The following WNT2B variants were observed in gnomAD, a reference collection of about 807,000 sequenced individuals.
The protein encoded by WNT2B is protein Wnt-2b.
In WNT2B, 19 loss-of-function variants were observed where a neutral mutation model predicts 40.5. That is an observed-to-expected ratio of 0.47 (90% confidence interval 0.33 to 0.69). WNT2B has a LOEUF of 0.69. Ranked by LOEUF, WNT2B falls within the 30% of genes least tolerant of loss-of-function variation. The probability of loss-of-function intolerance (pLI) is 0.02; values close to 1 mark genes in which losing one functional copy is unlikely to be tolerated. For synonymous variants in WNT2B, 220 were observed against 211.9 expected, an observed-to-expected ratio of 1.04 and a Z score of -0.33; for missense variants, 467 against 556.4, an observed-to-expected ratio of 0.84 and a Z score of 1.62.
intron 1 of WNT2B, among the ~76,000 whole-genome samples, chr1:112,490,700 A>G (rs972424693): frequency 2.0e-5 from 3 of 152,128 alleles, no homozygotes; most frequent in African/African-American, 4.8e-5. Context: ...CGTGTTAGCC[A>G]GGATGGTCTC....
chr1:112,479,876 A>G (rs889558558), intron 1 of WNT2B, among the ~76,000 whole-genome samples: 1 of 151,148 alleles, frequency 6.6e-6, no homozygotes, highest in Non-Finnish European at 1.5e-5. Flanking sequence ...ATGCCCGACT[A>G]ATTTTCTGTA....
intron 1 of WNT2B, among the ~76,000 whole-genome samples, chr1:112,495,557 C>T (rs1216947643): frequency 6.6e-6 from 1 of 151,292 alleles, no homozygotes; most frequent in Admixed American, 6.6e-5. Context: ...CCACTGCGCT[C>T]CAGCCTGGGT....
chr1:112,510,341 G>A (rs920195507), intron 1 of WNT2B, among the ~76,000 whole-genome samples: 3 of 152,108 alleles, frequency 2.0e-5, no homozygotes, highest in African/African-American at 7.2e-5. Flanking sequence ...CCCACCATGG[G>A]GAGAGGGCAA....
chr1:112,504,660 C>A (rs925434548), upstream of WNT2B, among the ~76,000 whole-genome samples: 1 of 152,132 alleles, frequency 6.6e-6, no homozygotes, highest in African/African-American at 2.4e-5. Context: ...CCTGTGTGAA[C>A]CTGGCCCTAT....
At chr1:112,484,100 A>G (rs536896730) in intron 1 of WNT2B, among the ~76,000 whole-genome samples, 10 of 146,458 alleles carry the variant, frequency 6.8e-5, no homozygotes, top group African/African-American at 2.2e-4. Context: ...GTCTCCAAAA[A>G]TTATATATAT....
At chr1:112,489,513 G>A (rs1005779519) in intron 1 of WNT2B, among the ~76,000 whole-genome samples, 2 of 152,022 alleles carry the variant, frequency 1.3e-5, no homozygotes, top group Non-Finnish European at 2.9e-5. Flanking sequence ...GCAGTGAGCC[G>A]AGATCACGCC....
chr1:112,524,843 A>G lies in WNT2B; in HGVS notation c.*4334A>G, dbSNP rs944196153. 20 of 152,092 alleles carry G rather than the reference A, an allele frequency of 1.3e-4. No individual in the cohort carries two copies. Among genetic ancestry groups the G allele is most frequent in the African/African-American group, 4.6e-4 (19 of 41,408 alleles). The allele number at this position is 152,092 out of a possible 1,614,324, so 9.4% of individuals were successfully genotyped here. ...AGTTCTGCTCATCCTCCTCTCCCCA[A>G]CAATTAAAAAAAAAAGCAATTAGAT... On this transcript the variant is annotated 3_prime_UTR_variant, in exon 5 of 5. Coordinates refer to ENST00000369684, the MANE Select transcript of WNT2B (RefSeq NM_024494.3).
intron 1 of WNT2B, among the ~76,000 whole-genome samples, chr1:112,483,836 TA>T: frequency 6.7e-6 from 1 of 149,744 alleles, no homozygotes; most frequent in South Asian, 2.1e-4. Context: ...AACCCTACTT[TA>T]AAATGAGCAA....
intron 1 of WNT2B, among the ~76,000 whole-genome samples, chr1:112,497,739 C>T (rs767421686): frequency 2.6e-5 from 4 of 152,136 alleles, no homozygotes; most frequent in Admixed American, 6.5e-5. Context: ...CTTTACATGA[C>T]GAGGCTGAGA....
At chr1:112,474,714 C>G (rs1651003455) in intron 1 of WNT2B, among the ~76,000 whole-genome samples, 1 of 152,190 alleles carries the variant, frequency 6.6e-6, no homozygotes, top group South Asian at 2.1e-4. Flanking sequence ...CAATCTGTAT[C>G]CCCACCCAAA....
intron 1 of WNT2B, among the ~76,000 whole-genome samples, chr1:112,496,654 G>A (rs1171313640): frequency 6.6e-5 from 10 of 151,458 alleles, no homozygotes; most frequent in South Asian, 6.3e-4. Flanking sequence ...AGGCTGGAGC[G>A]CAATGGTATG....
In WNT2B at chr1:112,528,971, T is replaced by A. The variant is rs781136867; in HGVS notation, c.*8462T>A. 7 of 152,202 alleles carry A rather than the reference T, an allele frequency of 4.6e-5. No homozygotes were observed. The highest frequency in any genetic ancestry group is 7.2e-5 in the African/African-American group (3 of 41,452). 9.4% of individuals were successfully genotyped at this position (152,202 alleles called of 1,614,324 possible). A position where few individuals can be genotyped will look rare whatever the true frequency, so the allele number is the denominator to read the frequency against. On this transcript the variant is annotated 3_prime_UTR_variant, in exon 5 of 5. Coordinates refer to ENST00000369684, the MANE Select transcript of WNT2B (RefSeq NM_024494.3). ...TTCATGATCTCTAGTTAGGTGTCTA[T>A]TTTCCTGCATTTGCTAAAGGTAAAA...
At chr1:112,513,142 C>A (rs1485100013) in intron 1 of WNT2B, among the ~76,000 whole-genome samples, 1 of 149,830 alleles carries the variant, frequency 6.7e-6, no homozygotes, top group African/African-American at 2.5e-5. Flanking sequence ...AAAAAACACA[C>A]CCATTGCCTA....
Position 112,517,272 on chromosome 1 carries a change from C to A in WNT2B, c.833C>A (p.Thr278Asn). The A allele has an allele frequency of 6.2e-7, 1 of 1,614,222 alleles. No individual in the cohort carries two copies. Among genetic ancestry groups the A allele is most frequent in the Non-Finnish European group, 8.5e-7 (1 of 1,180,030 alleles). ...RYDGAVQVMA[T>N]QDGANFTAAR... ...GATGGGGCTGTGCAGGTGATGGCCA[C>A]CCAAGATGGTGCCAACTTCACCGCA... The change falls in exon 4 of 5, where the codon ACC becomes AAC. Residue 278 changes from threonine to asparagine, a missense_variant. Transcript: ENST00000369684.
At chr1:112,493,274 G>A (rs1003946832) in intron 1 of WNT2B, among the ~76,000 whole-genome samples, 1 of 152,082 alleles carries the variant, frequency 6.6e-6, no homozygotes, top group Non-Finnish European at 1.5e-5. Flanking sequence ...TAGTGGACTG[G>A]GTCCAGCTGA....
At position 112,477,244 on chromosome 1, in the gene WNT2B, G is replaced by T. The variant is rs148703480; in HGVS notation, c.-95+9653G>T. 7.0e-3 allele frequency among the ~76,000 whole-genome samples: 1,067 copies of T among 152,308 alleles called. 8 individuals are homozygous for T. Among genetic ancestry groups the T allele is most frequent in the African/African-American group, 0.024 (1,002 of 41,568 alleles). ...CTGCTGAGGGCCTCCAGAGCCATTG[G>T]CCATGCTGATCTCAGCTGATGGAGC... On this transcript the variant is annotated intron_variant, in intron 1 of 4. Coordinates refer to the WNT2B transcript ENST00000256640.
At chr1:112,508,936 A>G (rs1162242849), upstream of WNT2B, 45 of 1,155,972 alleles carry the variant, frequency 3.9e-5, no homozygotes, top group Non-Finnish European at 4.7e-5. The surrounding 1 kb of genome is among the most constrained non-coding windows in gnomAD (Gnocchi z 4.2). Flanking sequence ...GTCCCGTCCA[A>G]TGAGAGCCCG....
At chr1:112,467,388 T>G in exon 1 of WNT2B, 1 of 617,828 alleles carries the variant, frequency 1.6e-6, no homozygotes, top group Non-Finnish European at 2.9e-6. Context: ...GGTTTAAGCT[T>G]CGAGGCCCAT....
upstream of WNT2B, among the ~76,000 whole-genome samples, chr1:112,508,129 C>T (rs947981680): frequency 6.6e-6 from 1 of 152,054 alleles, no homozygotes; most frequent in Non-Finnish European, 1.5e-5. This position sits in a 1 kb window ranked among gnomAD's most constrained non-coding sequence, Gnocchi z 4.2. Context: ...GCAGGACCCC[C>T]ACCCTGGCCT....
Sources: allele counts gnomAD v4.1 joint callset (sites outside exome capture counted in the v4.1 genomes callset), GRCh38; gene constraint gnomAD v4.1.1; non-coding constraint Gnocchi (gnomAD v3.1); transcripts MANE v1.5; gene names NCBI Gene and HGNC (gene_info 2026-07-23, HGNC 2026-07-21).